The following FBXO36 variants were observed in gnomAD, a reference collection of about 807,000 sequenced individuals.
The protein encoded by FBXO36 is F-box protein 36.
In FBXO36, 18 loss-of-function variants were observed where a neutral mutation model predicts 17.0. The ratio of observed to expected loss-of-function variants is 1.06; its 90% CI spans 0.73 to 1.57. The LOEUF (loss-of-function observed/expected upper bound fraction) is 1.57, where lower values mean the gene tolerates loss of function less well. Ranked by LOEUF, FBXO36 falls within the 40% of genes most tolerant of loss-of-function variation. The probability of loss-of-function intolerance (pLI) is 0.00; values close to 1 mark genes in which losing one functional copy is unlikely to be tolerated. For synonymous variants in FBXO36, 83 were observed against 85.3 expected, an observed-to-expected ratio of 0.97 and a Z score of 0.15; for missense variants, 229 against 221.9, an observed-to-expected ratio of 1.03 and a Z score of -0.20.
At chr2:229,958,003 C>A (rs1006314918) in intron 1 of FBXO36, among the ~76,000 whole-genome samples, 3 of 152,044 alleles carry the variant, frequency 2.0e-5, no homozygotes, top group African/African-American at 7.2e-5. Context: ...AGGTATATCC[C>A]AAGATGAATT....
intron 2 of FBXO36, among the ~76,000 whole-genome samples, chr2:229,985,437 C>T (rs1260407982): frequency 6.6e-6 from 1 of 152,082 alleles, no homozygotes; most frequent in African/African-American, 2.4e-5. Flanking sequence ...ATACGTCAGC[C>T]TTTAACTTGG....
At chr2:229,934,467 G>C (rs1374226992) in intron 1 of FBXO36, among the ~76,000 whole-genome samples, 1 of 152,140 alleles carries the variant, frequency 6.6e-6, no homozygotes. Context: ...GACTACTGCA[G>C]AGTGGAGCTT....
chr2:229,933,445 C>T (rs572870427), intron 1 of FBXO36, among the ~76,000 whole-genome samples: 1 of 152,274 alleles, frequency 6.6e-6, no homozygotes, highest in African/African-American at 2.4e-5. Context: ...AGCTGTGTGA[C>T]CTGGCGTAAC....
At chr2:229,991,887 C>A (rs2077299778) in intron 2 of FBXO36, among the ~76,000 whole-genome samples, 1 of 152,134 alleles carries the variant, frequency 6.6e-6, no homozygotes, top group Admixed American at 6.6e-5. Flanking sequence ...TCTCCAATTT[C>A]TTCTTTATAC....
chr2:229,940,778 G>A (rs1401729208), intron 1 of FBXO36, among the ~76,000 whole-genome samples: 1 of 152,146 alleles, frequency 6.6e-6, no homozygotes, highest in African/African-American at 2.4e-5. Flanking sequence ...CCCTTCAGAA[G>A]GAAGGAGCAT....
chr2:229,943,666 CTGTGACCATGTGTG>C (rs1270651166), intron 1 of FBXO36, among the ~76,000 whole-genome samples: 1 of 152,176 alleles, frequency 6.6e-6, no homozygotes, highest in Non-Finnish European at 1.5e-5. Context: ...GCTGGAAGTG[CTGTGACCATGTGTG>C]TGTTTGAACC....
intron 1 of FBXO36, chr2:229,939,386 T>G: frequency 2.3e-5 from 11 of 473,796 alleles, no homozygotes; most frequent in Non-Finnish European, 2.8e-5. Flanking sequence ...AAAGTATCTC[T>G]TCAGCATTTT....
intron 3 of FBXO36, 152 bp downstream of exon 3, chr2:229,997,075 C>T (rs564682833): frequency 1.4e-6 from 1 of 695,230 alleles, no homozygotes; most frequent in East Asian, 2.6e-5. Context: ...TTCCTCCCCT[C>T]AAAGAACTTA....
At chr2:229,994,557 A>G (rs2077315129) in intron 2 of FBXO36, among the ~76,000 whole-genome samples, 1 of 152,234 alleles carries the variant, frequency 6.6e-6, no homozygotes, top group South Asian at 2.1e-4. Context: ...CTGCTTCTGC[A>G]GGGAGCCTAT....
chr2:229,955,109 C>T lies in FBXO36; in HGVS notation c.97-21132C>T, dbSNP rs193127606. On this transcript the variant is annotated intron_variant, in intron 1 of 3. Transcript: ENST00000283946. ...TCAAGTGATCTGCCTTCCTTGGCCT[C>T]CCAAAGTGTTGGGATTACAGGTGTG... 3.7e-4 allele frequency among the ~76,000 whole-genome samples: 56 copies of T among 152,304 alleles called. No individual in the cohort carries two copies. In the East Asian group the frequency reaches 8.7e-3, roughly 24 times the overall value.
At chr2:230,000,145 G>A (rs895577293) in intron 3 of FBXO36, among the ~76,000 whole-genome samples, 1 of 151,892 alleles carries the variant, frequency 6.6e-6, no homozygotes, top group Non-Finnish European at 1.5e-5. Context: ...ATCACCTGAG[G>A]TCAGGAGTTT....
At chr2:229,979,419 ATAGT>A (rs902993135) in intron 2 of FBXO36, among the ~76,000 whole-genome samples, 4 of 151,620 alleles carry the variant, frequency 2.6e-5, no homozygotes, top group African/African-American at 4.9e-5. Flanking sequence ...TATAAATGTG[ATAGT>A]TTGTTGTTGT....
chr2:229,980,538 A>C (rs74917416), intron 2 of FBXO36, among the ~76,000 whole-genome samples: 1,816 of 152,044 alleles, frequency 0.012, 45 homozygotes, highest in African/African-American at 0.042. Context: ...TTGCTGGCTT[A>C]CTTGCAGACC....
At chr2:229,976,626 C>T in intron 2 of FBXO36, 1 of 249,966 alleles carries the variant, frequency 4.0e-6, no homozygotes, top group South Asian at 6.2e-5. Flanking sequence ...CGAGACCAGC[C>T]TGGCCAAGAT....
chr2:229,934,100 C>A (rs942799519), intron 1 of FBXO36, among the ~76,000 whole-genome samples: 2 of 152,032 alleles, frequency 1.3e-5, no homozygotes, highest in African/African-American at 4.8e-5. Flanking sequence ...TTTCTCAGAG[C>A]CTTTCAAATC....
chr2:229,995,710 A>T, intron 2 of FBXO36, among the ~76,000 whole-genome samples: 1 of 148,960 alleles, frequency 6.7e-6, no homozygotes, highest in African/African-American at 2.5e-5. Context: ...GTCCTGCCTC[A>T]GCCTCCCGAG....
chr2:229,939,237 A>G (rs2076984281), intron 1 of FBXO36: 1 of 984,732 alleles, frequency 1.0e-6, no homozygotes, highest in South Asian at 4.7e-5. Context: ...ACAACTTTCT[A>G]CCTCGTAATA....
intron 1 of FBXO36, chr2:229,939,358 C>G (rs111876791): frequency 2.9e-6 from 2 of 689,670 alleles, no homozygotes; most frequent in African/African-American, 3.9e-5. Flanking sequence ...GAGTCTTCCT[C>G]CTGTCTAAAA....
At position 229,926,152 on chromosome 2, in the gene FBXO36, G is replaced by T. The variant is rs1273697207; in HGVS notation, c.96+3543G>T. On this transcript the variant is annotated intron_variant, in intron 1 of 3. Transcript: ENST00000283946. Reference sequence around the variant, plus strand: ...AAAAAAAAAAAAAAAAAAAGGGGGGGCTGAGCACAGCTCATGCCTGTAATC... The same window carrying T: ...AAAAAAAAAAAAAAAAAAAGGGGGGTCTGAGCACAGCTCATGCCTGTAATC... 2.0e-5 allele frequency among the ~76,000 whole-genome samples: 3 copies of T among 148,682 alleles called. No homozygotes were observed. In the Admixed American group the frequency reaches 2.0e-4, roughly 10 times the overall value.
Sources: allele counts gnomAD v4.1 joint callset (sites outside exome capture counted in the v4.1 genomes callset), GRCh38; gene constraint gnomAD v4.1.1; transcripts MANE v1.5; gene names NCBI Gene and HGNC (gene_info 2026-07-23, HGNC 2026-07-21).